EHD4: variants seen among roughly 807,000 people sequenced by gnomAD.
EHD4 encodes EH domain containing 4.
Under a neutral mutation model 51.0 loss-of-function variants are expected in EHD4, and 37 were observed. That is an observed-to-expected ratio of 0.73 (90% confidence interval 0.56 to 0.95). The LOEUF is 0.95. EHD4 is among the 40% of genes least tolerant of loss of function. The pLI is 0.00. For missense variants in EHD4, 632 were observed against 733.1 expected, an observed-to-expected ratio of 0.86 and a Z score of 1.59; for synonymous variants, 297 against 317.3, an observed-to-expected ratio of 0.94 and a Z score of 0.68.
At chr15:41,949,309 G>T (rs1054382924) in intron 2 of EHD4, among the ~76,000 whole-genome samples, 7 of 151,918 alleles carry the variant, frequency 4.6e-5, no homozygotes, top group Non-Finnish European at 8.8e-5. Flanking sequence ...GGCAGAGGTT[G>T]CAGTGAGCCG....
In EHD4 at chr15:41,971,394, A is replaced by T. The variant is rs190445779; in HGVS notation, c.236+865T>A. 2.3e-4 allele frequency among the ~76,000 whole-genome samples: 35 copies of T among 152,360 alleles called. No individual in the cohort carries two copies. The East Asian group carries it at 6.2e-3, about 27-fold the overall frequency. ...TTCTTACCAAAAACAGTGAGCCTAA[A>T]TATGCTGGCTGCTTTAGAAATAAAA... is the stretch of plus-strand genomic sequence containing the variant. On this transcript the variant is annotated intron_variant, in intron 1 of 5. Coordinates refer to ENST00000220325, the MANE Select transcript of EHD4 (RefSeq NM_139265.4).
chr15:41,919,763 A>G, intron 3 of EHD4, 141 bp from the exon 4 acceptor site: 1 of 802,430 alleles, frequency 1.2e-6, no homozygotes, highest in Non-Finnish European at 1.7e-6. Flanking sequence ...AGGCCTGGTG[A>G]CATGAAAATC....
chr15:41,911,302 G>A (rs2067547789), intron 4 of EHD4, among the ~76,000 whole-genome samples: 1 of 152,188 alleles, frequency 6.6e-6, no homozygotes, highest in Non-Finnish European at 1.5e-5. Context: ...CAGCAAACTT[G>A]TTTATGTACT....
intron 5 of EHD4, among the ~76,000 whole-genome samples, chr15:41,903,938 ACAT>A (rs1211675871): frequency 6.6e-6 from 1 of 152,134 alleles, no homozygotes; most frequent in Non-Finnish European, 1.5e-5. Flanking sequence ...GTCACTCCTG[ACAT>A]CAGCACCAAA....
intron 3 of EHD4, among the ~76,000 whole-genome samples, chr15:41,938,503 T>C (rs1185150412): frequency 6.6e-6 from 1 of 152,212 alleles, no homozygotes; most frequent in Non-Finnish European, 1.5e-5. Flanking sequence ...TATTTTTCAT[T>C]GTCTTCCCAG....
rs2067460373 is a variant in EHD4, at chr15:41,899,298, C to T, written c.*1347G>A. On this transcript the variant is annotated 3_prime_UTR_variant, in exon 6 of 6. Transcript: ENST00000220325. ...CTGGTGCCCACAGAGGGGGAGGCAC[C>T]TCCACCTGACGCAGGTGTCTGAGCA... The T allele has an allele frequency of 6.6e-6, 1 of 152,180 alleles. No individual in the cohort carries two copies. The highest frequency in any genetic ancestry group is 2.1e-4 in the South Asian group (1 of 4,836). 9.4% of individuals were successfully genotyped at this position (152,180 alleles called of 1,614,324 possible).
At position 41,897,525 on chromosome 15, in the gene EHD4, A is replaced by C; in HGVS notation, c.*3120T>G. ...GCCCCCAGGCCATCCAAGTGCGGTG[A>C]GTTGAGAAATGAATTGACAGACGCT... On this transcript the variant is annotated 3_prime_UTR_variant, in exon 6 of 6. Coordinates refer to ENST00000220325, the MANE Select transcript of EHD4 (RefSeq NM_139265.4). 6.6e-6 allele frequency: 1 copy of C among 152,310 alleles called. No individual in the cohort carries two copies. Among genetic ancestry groups the C allele is most frequent in the East Asian group, 1.9e-4 (1 of 5,202 alleles). The allele number at this position is 152,310 out of a possible 1,614,324, so 9.4% of individuals were successfully genotyped here.
intron 3 of EHD4, among the ~76,000 whole-genome samples, chr15:41,931,794 A>T (rs545357163): frequency 2.6e-5 from 4 of 151,396 alleles, no homozygotes; most frequent in Non-Finnish European, 5.9e-5. Flanking sequence ...CTCCTGCCTC[A>T]GCCTCCTGAG....
chr15:41,914,254 T>A (rs2067568542), intron 4 of EHD4, among the ~76,000 whole-genome samples: 1 of 152,204 alleles, frequency 6.6e-6, no homozygotes, highest in Non-Finnish European at 1.5e-5. Context: ...GCCACGCTCA[T>A]CTGCAAACTT....
Position 41,899,106 on chromosome 15 carries a change from C to T in EHD4, c.*1539G>A, listed in dbSNP as rs911716009. On this transcript the variant is annotated 3_prime_UTR_variant, in exon 6 of 6. Transcript: ENST00000220325. ...GTGCCTTTTGGAAGACTCAGTGGGA[C>T]GGTTCTGATTTCATTCACTTCTGGT... The T allele has an allele frequency of 1.3e-5, 2 of 152,126 alleles. No homozygotes were observed. Among genetic ancestry groups the T allele is most frequent in the Admixed American group, 1.3e-4 (2 of 15,268 alleles). The allele number at this position is 152,126 out of a possible 1,614,324, so 9.4% of individuals were successfully genotyped here.
intron 5 of EHD4, among the ~76,000 whole-genome samples, chr15:41,903,039 T>C (rs1377987840): frequency 6.6e-6 from 1 of 151,664 alleles, no homozygotes; most frequent in Admixed American, 6.6e-5. Flanking sequence ...TACCTAGAGC[T>C]TTACATGACA....
intron 3 of EHD4, among the ~76,000 whole-genome samples, chr15:41,934,701 G>T (rs1326474609): frequency 6.6e-6 from 1 of 152,110 alleles, no homozygotes; most frequent in East Asian, 1.9e-4. Context: ...ATTTGCAGCC[G>T]TGTGGACTCC....
rs763853917 is a variant in EHD4, at chr15:41,943,104, G to C, written c.474C>G (p.Pro158=). 3.8e-6 allele frequency: 6 copies of C among 1,590,600 alleles called. No individual in the cohort carries two copies. The African/African-American group carries it at 8.0e-5, about 21-fold the overall frequency. The stretch of plus-strand genomic sequence containing the variant: ...GCTGCTTCTCCCCAGAAAGGATGCC[G>C]GGGCTGTCGATGACGCTGATGCTCT... ...VLKSISVIDS[P]GILSGEKQRI... is the part of the protein sequence containing the mutation. Residue 158 remains proline, a synonymous_variant, in exon 3 of 6, where the codon CCC becomes CCG. Coordinates refer to ENST00000220325, the MANE Select transcript of EHD4 (RefSeq NM_139265.4).
intron 1 of EHD4, among the ~76,000 whole-genome samples, chr15:41,960,126 T>C (rs1308384056): frequency 6.6e-6 from 1 of 152,210 alleles, no homozygotes; most frequent in East Asian, 1.9e-4. Flanking sequence ...GCACTATCAC[T>C]GCTTCTAGAT....
intron 2 of EHD4, among the ~76,000 whole-genome samples, chr15:41,948,080 C>T (rs889875836): frequency 6.8e-6 from 1 of 147,964 alleles, no homozygotes; most frequent in African/African-American, 2.7e-5. Flanking sequence ...ACAGTGAAAC[C>T]CTGTCTGTAC....
At chr15:41,971,684 T>C (rs2067996403) in intron 1 of EHD4, among the ~76,000 whole-genome samples, 1 of 152,332 alleles carries the variant, frequency 6.6e-6, no homozygotes, top group East Asian at 1.9e-4. Flanking sequence ...GCTCACTTCC[T>C]ACGGGCGGCT....
chr15:41,917,329 C>A (rs1451949787), intron 4 of EHD4, among the ~76,000 whole-genome samples: 1 of 152,052 alleles, frequency 6.6e-6, no homozygotes, highest in Non-Finnish European at 1.5e-5. Context: ...ATATGTTGGC[C>A]AGACTGGCCT....
chr15:41,918,454 A>AT (rs2067600523), intron 4 of EHD4, among the ~76,000 whole-genome samples: 1 of 152,054 alleles, frequency 6.6e-6, no homozygotes, highest in South Asian at 2.1e-4. Context: ...TTAAAGAGCC[A>AT]TTTTTTTCTC....
intron 5 of EHD4, among the ~76,000 whole-genome samples, chr15:41,904,865 G>A (rs1181856235): frequency 2.0e-5 from 3 of 152,224 alleles, no homozygotes; most frequent in Non-Finnish European, 4.4e-5. Context: ...AGCGTGCCAG[G>A]CACGCACAGG....
Sources: gnomAD v4.1 joint callset for allele counts (sites outside exome capture counted in the v4.1 genomes callset) on GRCh38, gnomAD v4.1.1 for gene constraint, MANE v1.5 for transcripts, NCBI Gene and HGNC (gene_info 2026-07-23, HGNC 2026-07-21) for gene names.